CDH12: variants seen among roughly 807,000 people sequenced by gnomAD.
CDH12 encodes the protein cadherin 12, also known as cadherin-12.
In CDH12, 41 loss-of-function variants were observed where a neutral mutation model predicts 74.1. The ratio of observed to expected loss-of-function variants is 0.55; its 90% CI spans 0.43 to 0.72. The LOEUF (loss-of-function observed/expected upper bound fraction) is 0.72, where lower values mean the gene tolerates loss of function less well. CDH12 is among the 30% of genes least tolerant of loss of function. CDH12 has a pLI of 0.00. For synonymous variants in CDH12, 399 were observed against 355.0 expected (o/e 1.12, Z -1.39); for missense variants, 945 against 977.2 (o/e 0.97, Z 0.44).
intron 1 of CDH12, among the ~76,000 whole-genome samples, chr5:22,700,527 A>G (rs908210220): frequency 6.6e-6 from 1 of 152,244 alleles, no homozygotes; most frequent in African/African-American, 2.4e-5. Flanking sequence ...GAAATGCATG[A>G]TGAAATATGT....
intron 5 of CDH12, among the ~76,000 whole-genome samples, chr5:21,987,142 TA>T (rs1412978821): frequency 2.6e-5 from 4 of 152,152 alleles, no homozygotes; most frequent in African/African-American, 9.6e-5. Context: ...TTTTCTCCTT[TA>T]TTTTTTTATT....
chr5:21,985,167 T>C (rs1757462900), intron 5 of CDH12, among the ~76,000 whole-genome samples: 1 of 152,174 alleles, frequency 6.6e-6, no homozygotes, highest in Admixed American at 6.6e-5. Context: ...ATATTAACAA[T>C]TTATTTGTCA....
intron 9 of CDH12, among the ~76,000 whole-genome samples, chr5:21,809,827 G>C (rs549621151): frequency 2.6e-5 from 4 of 152,216 alleles, no homozygotes; most frequent in Admixed American, 1.3e-4. Flanking sequence ...TAGGAGGAAT[G>C]AGTTGTATTT....
At chr5:21,828,453 A>T (rs73054955) in intron 8 of CDH12, among the ~76,000 whole-genome samples, 2,014 of 152,168 alleles carry the variant, frequency 0.013, 48 homozygotes, top group African/African-American at 0.045. Flanking sequence ...TTAGCTGGGG[A>T]TATGTATTTA....
At chr5:21,977,833 G>T (rs771316095) in intron 5 of CDH12, among the ~76,000 whole-genome samples, 3 of 152,118 alleles carry the variant, frequency 2.0e-5, no homozygotes, top group Admixed American at 6.5e-5. Flanking sequence ...TGAAGTGGAT[G>T]ACTATAAAAC....
At chr5:22,235,732 G>A (rs1752537629) in intron 3 of CDH12, among the ~76,000 whole-genome samples, 1 of 152,046 alleles carries the variant, frequency 6.6e-6, no homozygotes, top group Admixed American at 6.6e-5. Flanking sequence ...AAGAACATAT[G>A]GAAATAATAT....
chr5:22,171,949 G>C (rs1458430554), intron 4 of CDH12, among the ~76,000 whole-genome samples: 1 of 151,906 alleles, frequency 6.6e-6, no homozygotes, highest in Non-Finnish European at 1.5e-5. Context: ...GCAGGTGTAG[G>C]AGTGAGAAAG....
intron 2 of CDH12, among the ~76,000 whole-genome samples, chr5:22,447,790 A>T (rs1044550507): frequency 3.9e-5 from 6 of 152,160 alleles, no homozygotes; most frequent in African/African-American, 1.4e-4. Flanking sequence ...ACCACAACAT[A>T]TCTGGAAAAC....
intron 3 of CDH12, among the ~76,000 whole-genome samples, chr5:22,389,045 A>C (rs1295669258): frequency 6.6e-6 from 1 of 152,182 alleles, no homozygotes; most frequent in Non-Finnish European, 1.5e-5. Flanking sequence ...TTGTCAATTT[A>C]TGACTAAGCC....
At chr5:22,134,225 A>C (rs1203847899) in intron 4 of CDH12, among the ~76,000 whole-genome samples, 2 of 151,860 alleles carry the variant, frequency 1.3e-5, no homozygotes, top group Admixed American at 1.3e-4. Flanking sequence ...CAAAGATAGC[A>C]CATGTCTACA....
rs376989106 is a variant in CDH12 at position 21,894,382 on chromosome 5, GAAAAAAAAAAA to G, written c.527-39603_527-39593del. On this transcript the variant is annotated intron_variant, in intron 6 of 14. Transcript: ENST00000382254. The stretch of plus-strand genomic sequence containing the variant: ...CAACAGAGGGAGACACCGTCTCAAA[GAAAAAAAAAAA>G]AAAAAAAAAAAGAAAGCATAAATAT... Among the ~76,000 whole-genome samples, 5 of 73,430 alleles carry G rather than the reference GAAAAAAAAAAA, an allele frequency of 6.8e-5. 1 individual carries two copies. The highest frequency in any genetic ancestry group is 1.8e-4 in the African/African-American group (4 of 22,808). 48.2% of individuals were successfully genotyped at this position (73,430 alleles called of 152,430 possible). A position where few individuals can be genotyped will look rare whatever the true frequency, so the allele number is the denominator to read the frequency against.
chr5:22,847,565 T>G (rs560388922), intron 1 of CDH12, among the ~76,000 whole-genome samples: 1 of 152,332 alleles, frequency 6.6e-6, no homozygotes, highest in South Asian at 2.1e-4. Flanking sequence ...TTTCCTCTGG[T>G]TTTCAACATT....
At chr5:22,373,341 G>T (rs949498161) in intron 3 of CDH12, among the ~76,000 whole-genome samples, 2 of 152,120 alleles carry the variant, frequency 1.3e-5, no homozygotes, top group African/African-American at 2.4e-5. Context: ...TGAACCACTT[G>T]GGTTCCAGTG....
chr5:22,121,213 C>T (rs1166538644), intron 4 of CDH12, among the ~76,000 whole-genome samples: 2 of 152,144 alleles, frequency 1.3e-5, no homozygotes, highest in Non-Finnish European at 2.9e-5. Flanking sequence ...GCATTGATGG[C>T]ATTTGTTTCA....
At chr5:21,778,632 G>A (rs1231507187) in intron 11 of CDH12, among the ~76,000 whole-genome samples, 2 of 149,450 alleles carry the variant, frequency 1.3e-5, no homozygotes, top group Non-Finnish European at 3.0e-5. Context: ...TAATTTCCCT[G>A]GAATTCAGCA....
chr5:22,272,319 G>T (rs1368547937), intron 3 of CDH12, among the ~76,000 whole-genome samples: 1 of 152,144 alleles, frequency 6.6e-6, no homozygotes, highest in African/African-American at 2.4e-5. Context: ...GAGCATTAGG[G>T]TCTTGCTCTG....
In CDH12 at chr5:22,491,900, C is replaced by A. The variant is rs187417045; in HGVS notation, c.-428+13370G>T. On this transcript the variant is annotated intron_variant, in intron 2 of 14. Coordinates refer to ENST00000382254, the MANE Select transcript of CDH12 (RefSeq NM_004061.5). ...AGATGACCGTCTTCTCCTGTCTTCA[C>A]GATGTCTTCTCTCTGTGTCTGTGGC... Among the ~76,000 whole-genome samples the A allele has an allele frequency of 5.3e-5, 8 of 152,270 alleles. No individual in the cohort carries two copies. In the East Asian group the frequency reaches 1.5e-3, roughly 29 times the overall value.
intron 5 of CDH12, among the ~76,000 whole-genome samples, chr5:21,992,272 G>T (rs1045182762): frequency 6.6e-6 from 1 of 152,122 alleles, no homozygotes; most frequent in Admixed American, 6.6e-5. Context: ...TGTCACAGAT[G>T]CTATAACTTG....
intron 6 of CDH12, among the ~76,000 whole-genome samples, chr5:21,919,799 C>T (rs781117757): frequency 7.2e-5 from 11 of 152,124 alleles, no homozygotes; most frequent in Middle Eastern, 3.4e-3. Context: ...ATAAGCCTGC[C>T]GCATGAGGAT....
Sources: allele counts gnomAD v4.1 joint callset (sites outside exome capture counted in the v4.1 genomes callset), GRCh38; gene constraint gnomAD v4.1.1; transcripts MANE v1.5; gene names NCBI Gene and HGNC (gene_info 2026-07-23, HGNC 2026-07-21).